MAGI2: variants seen among roughly 807,000 people sequenced by gnomAD.
MAGI2 encodes membrane-associated guanylate kinase, WW and PDZ domain-containing protein 2.
Under a neutral mutation model 133.3 loss-of-function variants are expected in MAGI2, and 35 were observed. That is an observed-to-expected ratio of 0.26 (90% CI 0.20 to 0.35). The LOEUF is 0.35. Among genes scored for constraint, MAGI2 ranks in the 10% least tolerant of loss-of-function variants. The pLI is 1.00. For synonymous variants in MAGI2, 729 were observed against 710.6 expected (o/e 1.03, Z -0.41); for missense variants, 1,636 against 1,863.4 (o/e 0.88, Z 2.25).
At chr7:78,363,325 C>G (rs1793025256) in intron 7 of MAGI2, among the ~76,000 whole-genome samples, 1 of 152,092 alleles carries the variant, frequency 6.6e-6, no homozygotes. Context: ...AACCCCATCT[C>G]TACTAAAAAT....
chr7:78,348,191 G>A (rs1487405635), intron 7 of MAGI2, among the ~76,000 whole-genome samples: 1 of 152,154 alleles, frequency 6.6e-6, no homozygotes, highest in Non-Finnish European at 1.5e-5. Context: ...GAGAGATTCA[G>A]TATGTAAATG....
intron 1 of MAGI2, among the ~76,000 whole-genome samples, chr7:79,052,516 A>G (rs1051244122): frequency 6.6e-6 from 1 of 152,162 alleles, no homozygotes; most frequent in Non-Finnish European, 1.5e-5. Context: ...GGATGTTGGC[A>G]TTGACTTGGA....
intron 3 of MAGI2, among the ~76,000 whole-genome samples, chr7:78,546,475 C>G (rs75644989): frequency 0.012 from 1,895 of 152,138 alleles, 47 homozygotes; most frequent in African/African-American, 0.044. Context: ...GATAGACAAG[C>G]CTGCAGGTCT....
chr7:78,584,910 C>T lies in MAGI2; in HGVS notation c.538+42210G>A, dbSNP rs1025538580. Among the ~76,000 whole-genome samples, 3 of 152,154 alleles carry T rather than the reference C, an allele frequency of 2.0e-5. No homozygotes were observed. In the South Asian group the frequency reaches 6.2e-4, roughly 31 times the overall value. ...AAAATGAAGATAATAATATGTACCT[C>T]ACAGGGGTTTTGTAGGATTTAAATG... On this transcript the variant is annotated intron_variant, in intron 3 of 21. Coordinates refer to ENST00000354212, the MANE Select transcript of MAGI2 (RefSeq NM_012301.4).
rs114498256 is a variant in MAGI2, at chr7:78,496,170, A to G, written c.965+5407T>C. 4.9e-3 allele frequency among the ~76,000 whole-genome samples: 747 copies of G among 152,330 alleles called. 7 individuals are homozygous for G. The highest frequency in any genetic ancestry group is 0.017 in the African/African-American group (719 of 41,576). On this transcript the variant is annotated intron_variant, in intron 5 of 21. Transcript: ENST00000354212. Reference sequence around the variant, plus strand: ...CAGAAATAGGAACACAAAAAGAAACATAAACTAATTGTGTGTTTGTTTAGA... The same window carrying G: ...CAGAAATAGGAACACAAAAAGAAACGTAAACTAATTGTGTGTTTGTTTAGA...
intron 3 of MAGI2, among the ~76,000 whole-genome samples, chr7:78,614,203 TA>T (rs1194003519): frequency 6.8e-6 from 1 of 148,024 alleles, no homozygotes; most frequent in East Asian, 2.0e-4. Flanking sequence ...CCTCTCCAAC[TA>T]AAAACATAGG....
At chr7:78,906,438 T>C (rs370581849) in intron 2 of MAGI2, among the ~76,000 whole-genome samples, 4 of 152,356 alleles carry the variant, frequency 2.6e-5, no homozygotes, top group Admixed American at 2.0e-4. Flanking sequence ...CTTATTTACC[T>C]GCATACTGAT....
intron 1 of MAGI2, among the ~76,000 whole-genome samples, chr7:79,405,068 T>C (rs1042741126): frequency 7.9e-5 from 12 of 152,258 alleles, no homozygotes; most frequent in African/African-American, 2.9e-4. Context: ...GAGGGTCATA[T>C]TCCAGCATGA....
chr7:78,376,710 C>A (rs1377854156), intron 6 of MAGI2, among the ~76,000 whole-genome samples: 1 of 152,018 alleles, frequency 6.6e-6, no homozygotes, highest in African/African-American at 2.4e-5. Flanking sequence ...AGAATACTAT[C>A]TGGAGAAAAG....
intron 1 of MAGI2, among the ~76,000 whole-genome samples, chr7:79,114,743 C>G (rs927650436): frequency 3.2e-4 from 48 of 152,180 alleles, no homozygotes; most frequent in Middle Eastern, 3.4e-3. Flanking sequence ...TGCAAGTGAC[C>G]ACAGAAAATA....
Position 78,578,531 on chromosome 7 carries a change from G to A in MAGI2, c.538+48589C>T, listed in dbSNP as rs191950962. Among the ~76,000 whole-genome samples the A allele has an allele frequency of 2.8e-4, 42 of 152,146 alleles. No homozygotes were observed. The East Asian group carries it at 7.7e-3, about 28-fold the overall frequency. On this transcript the variant is annotated intron_variant, in intron 3 of 21. Transcript: ENST00000354212. ...AAGGCAAAAGAGGAAGAACTGAGGAGTGAGAATAAAAAATGGAGGATTATT... is the reference window on the plus strand; with the variant it reads ...AAGGCAAAAGAGGAAGAACTGAGGAATGAGAATAAAAAATGGAGGATTATT...
chr7:78,850,649 A>G (rs981255396), intron 2 of MAGI2, among the ~76,000 whole-genome samples: 5 of 151,994 alleles, frequency 3.3e-5, no homozygotes, highest in African/African-American at 1.2e-4. Context: ...GTATCATCAG[A>G]CCCATCCCTC....
In MAGI2 at chr7:79,191,402, C is replaced by CTTTTTTTTTTTTTTTTTTTTTTTTTTTT. The variant is rs71095386; in HGVS notation, c.302-184224_302-184197dup. 3.3e-3 allele frequency among the ~76,000 whole-genome samples: 73 copies of CTTTTTTTTTTTTTTTTTTTTTTTTTTTT among 22,340 alleles called. 22 individuals carry two copies. Among genetic ancestry groups the CTTTTTTTTTTTTTTTTTTTTTTTTTTTT allele is most frequent in the South Asian group, 7.9e-3 (4 of 508 alleles). 14.7% of individuals were successfully genotyped at this position (22,340 alleles called of 152,430 possible). A position where few individuals can be genotyped will look rare whatever the true frequency, so the allele number is the denominator to read the frequency against. Reference sequence around the variant, plus strand: ...TCTTTTTTTCTTTTTCTTTTTCTTTCTTTTTTTTTTTTTTTTTTTTTTTTT... The same window carrying CTTTTTTTTTTTTTTTTTTTTTTTTTTTT: ...TCTTTTTTTCTTTTTCTTTTTCTTTCTTTTTTTTTTTTTTTTTTTTTTTTTTTTTTTTTTTTTTTTTTTTTTTTTTTTT... On this transcript the variant is annotated intron_variant, in intron 1 of 21. Coordinates refer to ENST00000354212, the MANE Select transcript of MAGI2 (RefSeq NM_012301.4).
intron 6 of MAGI2, among the ~76,000 whole-genome samples, chr7:78,437,089 CT>C (rs77570207): frequency 0.074 from 11,236 of 152,194 alleles, 469 homozygotes; most frequent in East Asian, 0.097. Flanking sequence ...GGAAAATTCC[CT>C]ATCATAATGG....
chr7:78,966,835 C>CTTTT (rs34597215), intron 2 of MAGI2, among the ~76,000 whole-genome samples: 1 of 129,086 alleles, frequency 7.7e-6, no homozygotes, highest in Non-Finnish European at 1.7e-5. Flanking sequence ...GCCTACACGT[C>CTTTT]TTTTTTTTTT....
At chr7:79,266,044 A>C (rs896064334) in intron 1 of MAGI2, among the ~76,000 whole-genome samples, 1 of 152,152 alleles carries the variant, frequency 6.6e-6, no homozygotes, top group Non-Finnish European at 1.5e-5. Context: ...TTATCTATTA[A>C]CACCAAAATC....
chr7:78,429,964 T>C (rs1315477141), intron 6 of MAGI2, among the ~76,000 whole-genome samples: 1 of 152,118 alleles, frequency 6.6e-6, no homozygotes, highest in African/African-American at 2.4e-5. Flanking sequence ...GAATCAGGCA[T>C]TTTGGATCCA....
chr7:78,808,355 C>T (rs749075998), intron 2 of MAGI2, among the ~76,000 whole-genome samples: 1 of 152,122 alleles, frequency 6.6e-6, no homozygotes, highest in Non-Finnish European at 1.5e-5. Context: ...CTCCCAAGTT[C>T]AAGCAATTCT....
intron 2 of MAGI2, among the ~76,000 whole-genome samples, chr7:78,787,162 G>A (rs573754607): frequency 1.3e-5 from 2 of 152,172 alleles, no homozygotes; most frequent in African/African-American, 4.8e-5. Flanking sequence ...TGGCCAGGCT[G>A]GTCTCGATCT....
Sources: allele counts gnomAD v4.1 joint callset (sites outside exome capture counted in the v4.1 genomes callset), GRCh38; gene constraint gnomAD v4.1.1; transcripts MANE v1.5; gene names NCBI Gene and HGNC (gene_info 2026-07-23, HGNC 2026-07-21).